Variants in FBXO31 observed in about 807,000 individuals in gnomAD.
FBXO31 encodes the protein F-box only protein 31.
A neutral mutation model predicts 54.4 loss-of-function variants in FBXO31; 24 were observed. The observed-to-expected ratio is 0.44, with a 90% CI of 0.32 to 0.62. FBXO31 has a LOEUF of 0.62. Ranked by LOEUF, FBXO31 falls within the 20% of genes least tolerant of loss-of-function variation. The pLI is 0.05. For synonymous variants in FBXO31, 388 were observed against 335.6 expected (o/e 1.16, Z -1.71); for missense variants, 665 against 787.1 (o/e 0.84, Z 1.86).
intron 1 of FBXO31, among the ~76,000 whole-genome samples, chr16:87,366,202 G>A (rs1048170831): frequency 9.2e-5 from 14 of 152,136 alleles, no homozygotes; most frequent in Non-Finnish European, 1.8e-4. Flanking sequence ...TCTGAACCAA[G>A]TGCAGGCGTG....
upstream of FBXO31, chr16:87,383,970 C>T (rs1004648535): frequency 2.0e-5 from 5 of 249,098 alleles, no homozygotes; most frequent in Non-Finnish European, 3.8e-5. The surrounding 1 kb of genome is among the most constrained non-coding windows in gnomAD (Gnocchi z 4.9). Context: ...GGGCGCCGCC[C>T]GTGACGGGCA....
Position 87,330,130 on chromosome 16 carries a change from G to C in FBXO31, c.*1158C>G, listed in dbSNP as rs949602697. On this transcript the variant is annotated 3_prime_UTR_variant, in exon 9 of 9. Coordinates refer to ENST00000311635, the MANE Select transcript of FBXO31 (RefSeq NM_024735.5). ...GGGGGAAGGGCCAGCTCTGGACACCGTGCTCTCTGTTCTTCAGGAGATGCC... is the reference window on the plus strand; with the variant it reads ...GGGGGAAGGGCCAGCTCTGGACACCCTGCTCTCTGTTCTTCAGGAGATGCC... 2 of 152,538 alleles carry C rather than the reference G, an allele frequency of 1.3e-5. No homozygotes were observed. The highest frequency in any genetic ancestry group is 4.1e-4 in the South Asian group (2 of 4,832). 9.4% of individuals were successfully genotyped at this position (152,538 alleles called of 1,614,324 possible).
At chr16:87,340,104 G>A (rs1014253081) in intron 5 of FBXO31, among the ~76,000 whole-genome samples, 2 of 152,182 alleles carry the variant, frequency 1.3e-5, no homozygotes, top group African/African-American at 2.4e-5. Flanking sequence ...CCAACATGGG[G>A]AAAACCTGTC....
intron 1 of FBXO31, among the ~76,000 whole-genome samples, chr16:87,364,583 A>C (rs576219392): frequency 5.3e-5 from 8 of 152,262 alleles, no homozygotes; most frequent in African/African-American, 1.9e-4. Flanking sequence ...GGGGGCATCC[A>C]ACTGCCCACC....
chr16:87,347,357 T>A (rs1260604326), intron 2 of FBXO31, 107 bp from the exon 3 acceptor site: 1 of 912,440 alleles, frequency 1.1e-6, no homozygotes, highest in Non-Finnish European at 1.8e-6. Context: ...ACAAAAGGCT[T>A]GCAAGAGCCC....
At chr16:87,377,402 C>T (rs1215845837) in intron 1 of FBXO31, among the ~76,000 whole-genome samples, 9 of 152,078 alleles carry the variant, frequency 5.9e-5, no homozygotes, top group African/African-American at 9.7e-5. Context: ...GCCATAATAG[C>T]GCCACTACAC....
chr16:87,335,206 G>C lies in FBXO31; in HGVS notation c.996+98C>G, dbSNP rs1905006929. 6.5e-7 allele frequency: 1 copy of C among 1,547,378 alleles called. No individual in the cohort carries two copies. The highest frequency in any genetic ancestry group is 1.7e-5 in the Admixed American group (1 of 59,538). ...GTGCAAGCCCACTCTGAGGAGCAAG[G>C]GTGCCGGGGATCAGTGTCTGCCCAA... On this transcript the variant is annotated intron_variant, in intron 7 of 8. Transcript: ENST00000311635. This position sits in a 1 kb window ranked among gnomAD's most constrained non-coding sequence, Gnocchi z 5.7.
In FBXO31 at chr16:87,363,301, T is replaced by C. The variant is rs1373921255; in HGVS notation, c.341-2935A>G. On this transcript the variant is annotated intron_variant, in intron 1 of 8. Transcript: ENST00000311635. ...AGGGAGGCTGAGGCAGGAGAATCGC[T>C]TGAACTCAGGAGGCAGAGGTGGCAG... 2.0e-5 allele frequency among the ~76,000 whole-genome samples: 3 copies of C among 152,070 alleles called. No individual in the cohort carries two copies. In the South Asian group the frequency reaches 6.2e-4, roughly 32 times the overall value.
intron 2 of FBXO31, among the ~76,000 whole-genome samples, chr16:87,357,269 A>G (rs1215171877): frequency 6.6e-6 from 1 of 152,018 alleles, no homozygotes; most frequent in Non-Finnish European, 1.5e-5. Context: ...AGACAGCATT[A>G]AATTCCTATA....
chr16:87,376,846 A>C (rs1252075336), intron 1 of FBXO31, among the ~76,000 whole-genome samples: 1 of 152,234 alleles, frequency 6.6e-6, no homozygotes, highest in Non-Finnish European at 1.5e-5. Context: ...TGGCCTTATC[A>C]GTATCCACCA....
chr16:87,365,483 C>G (rs912649358), intron 1 of FBXO31, among the ~76,000 whole-genome samples: 1 of 152,186 alleles, frequency 6.6e-6, no homozygotes, highest in African/African-American at 2.4e-5. Context: ...CAGAGCCAGG[C>G]CGCTCTGGGC....
At chr16:87,334,737 C>T (rs571464929) in intron 7 of FBXO31, among the ~76,000 whole-genome samples, 17 of 152,350 alleles carry the variant, frequency 1.1e-4, no homozygotes, top group African/African-American at 4.1e-4. Context: ...TAGGCTTCGC[C>T]CCTTCAGGCG....
chr16:87,375,285 T>C (rs1267438215), intron 1 of FBXO31, among the ~76,000 whole-genome samples: 2 of 148,762 alleles, frequency 1.3e-5, no homozygotes, highest in South Asian at 2.1e-4. Context: ...CCAGCCTGGG[T>C]GACAGAGCGA....
chr16:87,334,375 G>A (rs2150668506), intron 7 of FBXO31, 89 bp from the exon 8 acceptor site: 1 of 1,264,016 alleles, frequency 7.9e-7, no homozygotes, highest in Non-Finnish European at 1.1e-6. Flanking sequence ...ACCTCTGGCT[G>A]AGCGAGCTGG....
In FBXO31 at chr16:87,336,894, T is replaced by G. The variant is rs1339825545; in HGVS notation, c.733-630A>C. ...GGATATTTCGTGCTTAATGGTTTGA[T>G]TCTACACAATTTACAGAATTCACCC... is the stretch of plus-strand genomic sequence containing the variant. On this transcript the variant is annotated intron_variant, in intron 5 of 8. Transcript: ENST00000311635. The surrounding 1 kb of genome is among the most constrained non-coding windows in gnomAD (Gnocchi z 6.5). 1.3e-5 allele frequency among the ~76,000 whole-genome samples: 2 copies of G among 152,188 alleles called. No individual in the cohort carries two copies. Among genetic ancestry groups the G allele is most frequent in the Non-Finnish European group, 2.9e-5 (2 of 68,036 alleles).
rs1246158740 is a variant in FBXO31, at chr16:87,330,962, ACC to A, written c.*324_*325del. ...CAGGAGGGTCCTGCTTCCCGAGAAA[ACC>A]ACCAGCCAGCCCAGGGTGCGGGAAC... is the stretch of plus-strand genomic sequence containing the variant. On this transcript the variant is annotated 3_prime_UTR_variant, in exon 9 of 9. Transcript: ENST00000311635. The A allele has an allele frequency of 6.8e-6, 2 of 294,810 alleles. No homozygotes were observed. Among genetic ancestry groups the A allele is most frequent in the Non-Finnish European group, 1.3e-5 (2 of 152,464 alleles). 18.3% of individuals were successfully genotyped at this position (294,810 alleles called of 1,614,324 possible).
In FBXO31 at chr16:87,327,841, G is replaced by A. The variant is rs1904702784; in HGVS notation, c.*3447C>T. On this transcript the variant is annotated 3_prime_UTR_variant, in exon 9 of 9. Coordinates refer to ENST00000311635, the MANE Select transcript of FBXO31 (RefSeq NM_024735.5). Reference sequence around the variant, plus strand: ...GAGTTTTATTCTCAGGACAGGTGATGGTTCTATGAGCACATTCCCGTAAGT... The same window carrying A: ...GAGTTTTATTCTCAGGACAGGTGATAGTTCTATGAGCACATTCCCGTAAGT... The A allele has an allele frequency of 6.6e-6, 1 of 152,164 alleles. No homozygotes were observed. The highest frequency in any genetic ancestry group is 2.1e-4 in the South Asian group (1 of 4,830). 9.4% of individuals were successfully genotyped at this position (152,164 alleles called of 1,614,324 possible). A position where few individuals can be genotyped will look rare whatever the true frequency, so the allele number is the denominator to read the frequency against.
intron 1 of FBXO31, among the ~76,000 whole-genome samples, chr16:87,368,998 C>T (rs1906483670): frequency 1.3e-5 from 2 of 152,000 alleles, no homozygotes; most frequent in South Asian, 2.1e-4. Context: ...GACGGGGTTT[C>T]GCCATGTCTC....
In FBXO31 at chr16:87,383,144, C is replaced by T. The variant is rs1461498518; in HGVS notation, c.340+261G>A. On this transcript the variant is annotated intron_variant, in intron 1 of 8. Coordinates refer to ENST00000311635, the MANE Select transcript of FBXO31 (RefSeq NM_024735.5). The surrounding 1 kb of genome is among the most constrained non-coding windows in gnomAD (Gnocchi z 4.9). ...CAGGGCCTCTTCGATGCCTCCCTGA[C>T]GCCCTCAACCCCTCCCTACCCCGTC... Among the ~76,000 whole-genome samples, 1 of 151,958 alleles carries T rather than the reference C, an allele frequency of 6.6e-6. No individual in the cohort carries two copies. The highest frequency in any genetic ancestry group is 1.9e-4 in the East Asian group (1 of 5,152).
Sources: gnomAD v4.1 joint callset for allele counts (sites outside exome capture counted in the v4.1 genomes callset) on GRCh38, gnomAD v4.1.1 for gene constraint, Gnocchi (gnomAD v3.1) non-coding constraint, MANE v1.5 for transcripts, NCBI Gene and HGNC (gene_info 2026-07-23, HGNC 2026-07-21) for gene names.